PBX4: variants seen among roughly 807,000 people sequenced by gnomAD.
PBX4 encodes pre-B-cell leukemia transcription factor 4.
In PBX4, 26 loss-of-function variants were observed where a neutral mutation model predicts 35.1. The ratio of observed to expected loss-of-function variants is 0.74; its 90% CI spans 0.54 to 1.03. The LOEUF is 1.03. Among genes scored for constraint, PBX4 ranks in the 50% least tolerant of loss-of-function variants. The pLI, the probability that PBX4 is intolerant of heterozygous loss-of-function variation, is 0.00. For missense variants in PBX4, 448 were observed against 504.3 expected, an observed-to-expected ratio of 0.89 and a Z score of 1.07; for synonymous variants, 199 against 204.2, an observed-to-expected ratio of 0.97 and a Z score of 0.22.
chr19:19,576,009 A>T (rs1043028601), intron 2 of PBX4, among the ~76,000 whole-genome samples: 6 of 152,226 alleles, frequency 3.9e-5, no homozygotes, highest in Non-Finnish European at 7.3e-5. Flanking sequence ...ATGTTGGCAC[A>T]TGCAGTGTAA....
rs529529316 is a variant in PBX4 at position 19,605,360 on chromosome 19, G to A, written c.120-5995C>T. ...GAGCCTGGGAGGTGGAGGCTACAGTGAGCTGAGATTGCGCCACAGCACTCC... is the reference window on the plus strand; with the variant it reads ...GAGCCTGGGAGGTGGAGGCTACAGTAAGCTGAGATTGCGCCACAGCACTCC... On this transcript the variant is annotated intron_variant, in intron 1 of 7. Coordinates refer to ENST00000251203, the MANE Select transcript of PBX4 (RefSeq NM_025245.3). 8.5e-3 allele frequency among the ~76,000 whole-genome samples: 1,282 copies of A among 150,374 alleles called. 21 individuals are homozygous for A. The highest frequency in any genetic ancestry group is 0.03 in the African/African-American group (1,229 of 41,190).
At chr19:19,594,430 T>C (rs1357389546) in intron 2 of PBX4, among the ~76,000 whole-genome samples, 2 of 149,042 alleles carry the variant, frequency 1.3e-5, no homozygotes, top group African/African-American at 4.9e-5. Flanking sequence ...AGCATGGCCC[T>C]CAAAGCCTAG....
At chr19:19,579,248 C>G (rs1258593407) in intron 2 of PBX4, among the ~76,000 whole-genome samples, 1 of 151,830 alleles carries the variant, frequency 6.6e-6, no homozygotes, top group Non-Finnish European at 1.5e-5. Flanking sequence ...ACTCAGGAGG[C>G]TGAGGCAGAA....
intron 1 of PBX4, among the ~76,000 whole-genome samples, chr19:19,599,972 C>CAA (rs1284339416): frequency 1.2e-4 from 8 of 69,236 alleles, no homozygotes; most frequent in Non-Finnish European, 1.5e-4. Context: ...GACTCCATCT[C>CAA]AAAAAAAAAA....
rs1196795922 is a variant in PBX4, at chr19:19,609,720, G to T, written c.119+8791C>A. On this transcript the variant is annotated intron_variant, in intron 1 of 7. Transcript: ENST00000251203. ...AAAAAAATTAGCCGGGCGTGGTGGC[G>T]GGTGCCTGTATTCCCAGCTACTCGG... Among the ~76,000 whole-genome samples the T allele has an allele frequency of 2.0e-5, 3 of 151,752 alleles. No homozygotes were observed. The South Asian group carries it at 6.2e-4, about 32-fold the overall frequency.
chr19:19,616,194 C>T (rs550132967), intron 1 of PBX4, among the ~76,000 whole-genome samples: 6 of 152,272 alleles, frequency 3.9e-5, no homozygotes, highest in South Asian at 4.1e-4. Context: ...GCAGATTCTA[C>T]GGATCCTGGC....
intron 2 of PBX4, among the ~76,000 whole-genome samples, chr19:19,579,325 A>C (rs779770003): frequency 6.6e-6 from 1 of 151,850 alleles, no homozygotes. Flanking sequence ...GCCTGGCAAC[A>C]GAGTGAGACT....
At position 19,570,182 on chromosome 19, in the gene PBX4, C is replaced by T. The variant is rs370372588; in HGVS notation, c.559G>A (p.Ala187Thr). 12 of 1,614,048 alleles carry T rather than the reference C, an allele frequency of 7.4e-6. No homozygotes were observed. The highest frequency in any genetic ancestry group is 5.3e-5 in the African/African-American group (4 of 75,068). Residue 187 changes from alanine (A) to threonine (T), a missense_variant, in exon 4 of 8, where the codon GCC (alanine) becomes ACC (threonine). Transcript: ENST00000251203. Reference sequence around the variant, plus strand: ...CTCTGCTTCAACTGCATCTGGATGGCGCTGAACTTGCCGTGAATGGCGCCG... The same window carrying T: ...CTCTGCTTCAACTGCATCTGGATGGTGCTGAACTTGCCGTGAATGGCGCCG... Reference protein sequence around the residue: ...MVGAIHGKFSAIQMQLKQSTC... With the variant: ...MVGAIHGKFSTIQMQLKQSTC...
At chr19:19,605,658 C>T (rs78513855) in intron 1 of PBX4, among the ~76,000 whole-genome samples, 2,288 of 151,456 alleles carry the variant, frequency 0.015, 64 homozygotes, top group African/African-American at 0.053. Context: ...AAAACAGAGA[C>T]GGGTTCTCCC....
At chr19:19,573,722 A>G (rs2061401727) in intron 2 of PBX4, among the ~76,000 whole-genome samples, 1 of 149,096 alleles carries the variant, frequency 6.7e-6, no homozygotes, top group Admixed American at 6.7e-5. Flanking sequence ...CAGCAACTCT[A>G]TTTTCCTTTT....
In PBX4 at chr19:19,569,500, G is replaced by A. The variant is rs754746946; in HGVS notation, c.717C>T (p.Ser239=). 3.7e-6 allele frequency: 6 copies of A among 1,613,612 alleles called. No individual in the cohort carries two copies. Among genetic ancestry groups the A allele is most frequent in the South Asian group, 1.1e-5 (1 of 90,990 alleles). The change falls in exon 5 of 8, where the codon AGC becomes AGT. Residue 239 remains serine, a synonymous_variant. Transcript: ENST00000251203. Reference sequence around the variant, plus strand: ...TGGCCAGCTCTTCTTTGGCTTCTTCGCTGGGGTAAGGGTTGTTCAGATGGG... The same window carrying A: ...TGGCCAGCTCTTCTTTGGCTTCTTCACTGGGGTAAGGGTTGTTCAGATGGG... ...FYSHLNNPYP[S]EEAKEELARK...
intron 2 of PBX4, among the ~76,000 whole-genome samples, chr19:19,589,346 T>C (rs765335826): frequency 7.2e-5 from 11 of 151,916 alleles, no homozygotes; most frequent in Non-Finnish European, 1.0e-4. Context: ...GAGAATGGCA[T>C]GAACCCGAAC....
intron 1 of PBX4, among the ~76,000 whole-genome samples, chr19:19,602,953 A>G (rs967249613): frequency 2.6e-5 from 4 of 152,204 alleles, no homozygotes; most frequent in African/African-American, 9.7e-5. Flanking sequence ...AGGGCCAGGT[A>G]CTGACCAACT....
At chr19:19,605,731 A>G (rs1599379221) in intron 1 of PBX4, among the ~76,000 whole-genome samples, 1 of 152,040 alleles carries the variant, frequency 6.6e-6, no homozygotes, top group Non-Finnish European at 1.5e-5. Flanking sequence ...TGGCCTCACA[A>G]AGTGTTAGGA....
At chr19:19,607,202 C>T (rs1468888007) in intron 1 of PBX4, among the ~76,000 whole-genome samples, 1 of 151,948 alleles carries the variant, frequency 6.6e-6, no homozygotes, top group Non-Finnish European at 1.5e-5. Flanking sequence ...TACAGGTATA[C>T]GCCACCACTC....
chr19:19,567,669 G>A (rs2061351282), intron 5 of PBX4, among the ~76,000 whole-genome samples: 1 of 152,164 alleles, frequency 6.6e-6, no homozygotes, highest in African/African-American at 2.4e-5. Flanking sequence ...CTGTTTCCAT[G>A]TTAAAACCTT....
intron 1 of PBX4, 73 bp downstream of exon 1, chr19:19,618,438 C>T (rs992862733): frequency 8.5e-6 from 11 of 1,301,192 alleles, no homozygotes; most frequent in Non-Finnish European, 9.9e-6. Context: ...CTGGCCTCCA[C>T]GCCCCGTCCC....
At chr19:19,592,472 C>T (rs1311667663) in intron 2 of PBX4, among the ~76,000 whole-genome samples, 1 of 152,132 alleles carries the variant, frequency 6.6e-6, no homozygotes, top group Non-Finnish European at 1.5e-5. Flanking sequence ...AAGCTGACCC[C>T]AGGAGACAAG....
intron 2 of PBX4, among the ~76,000 whole-genome samples, chr19:19,584,915 T>C (rs949738571): frequency 1.3e-5 from 2 of 151,862 alleles, no homozygotes; most frequent in Non-Finnish European, 2.9e-5. Context: ...AGCCACCTCC[T>C]GGCCCAAGGG....
Sources: gnomAD v4.1 joint callset for allele counts (sites outside exome capture counted in the v4.1 genomes callset) on GRCh38, gnomAD v4.1.1 for gene constraint, MANE v1.5 for transcripts, NCBI Gene and HGNC (gene_info 2026-07-23, HGNC 2026-07-21) for gene names.